The following RBFOX1 variants were observed in gnomAD, a reference collection of about 807,000 sequenced individuals.
RBFOX1 encodes RNA binding fox-1 homolog 1.
A neutral mutation model predicts 57.7 loss-of-function variants in RBFOX1; 8 were observed. That is an observed-to-expected ratio of 0.14 (90% CI 0.08 to 0.25). The LOEUF (loss-of-function observed/expected upper bound fraction) is 0.25. Among genes scored for constraint, RBFOX1 ranks in the 10% least tolerant of loss-of-function variants. The pLI, the probability that RBFOX1 is intolerant of heterozygous loss-of-function variation, is 1.00. For synonymous variants in RBFOX1, 326 were observed against 222.4 expected, an observed-to-expected ratio of 1.47 and a Z score of -4.15; for missense variants, 611 against 548.5, an observed-to-expected ratio of 1.11 and a Z score of -1.14.
intron 4 of RBFOX1, among the ~76,000 whole-genome samples, chr16:7,151,655 C>A (rs1458108827): frequency 6.6e-6 from 1 of 152,080 alleles, no homozygotes; most frequent in Non-Finnish European, 1.5e-5. Context: ...CACTTTATTT[C>A]TATTATTATT....
At chr16:6,817,938 C>T (rs1282714239) in intron 3 of RBFOX1, among the ~76,000 whole-genome samples, 3 of 152,154 alleles carry the variant, frequency 2.0e-5, no homozygotes, top group Non-Finnish European at 4.4e-5. Context: ...CTGTGTCTCT[C>T]TGTTGGGCTT....
At chr16:7,103,220 A>AT (rs1456411822) in intron 4 of RBFOX1, among the ~76,000 whole-genome samples, 5 of 152,110 alleles carry the variant, frequency 3.3e-5, no homozygotes, top group Non-Finnish European at 7.4e-5. Flanking sequence ...AAAACCAATG[A>AT]CCTCATTCTT....
intron 3 of RBFOX1, among the ~76,000 whole-genome samples, chr16:5,718,932 ATG>A (rs1419035027): frequency 3.2e-4 from 49 of 151,808 alleles, no homozygotes; most frequent in Non-Finnish European, 5.6e-4. Flanking sequence ...GAATGAATGA[ATG>A]AATGAACTTT....
At chr16:5,958,969 A>G (rs1023799790) in intron 4 of RBFOX1, among the ~76,000 whole-genome samples, 8 of 152,186 alleles carry the variant, frequency 5.3e-5, no homozygotes, top group African/African-American at 1.9e-4. Flanking sequence ...TCCTTTTGCC[A>G]TATAAAATGA....
chr16:5,400,961 A>T (rs981516675), intron 1 of RBFOX1, among the ~76,000 whole-genome samples: 1 of 152,130 alleles, frequency 6.6e-6, no homozygotes, highest in Non-Finnish European at 1.5e-5. Context: ...AAGATTCTTT[A>T]TATATCAAAG....
intron 1 of RBFOX1, among the ~76,000 whole-genome samples, chr16:5,383,218 G>A (rs1256313621): frequency 6.6e-6 from 1 of 152,158 alleles, no homozygotes; most frequent in Non-Finnish European, 1.5e-5. Context: ...AGGAGTAGGG[G>A]GCAACCTTGA....
At chr16:6,372,746 G>A (rs923471964) in intron 2 of RBFOX1, among the ~76,000 whole-genome samples, 1 of 151,850 alleles carries the variant, frequency 6.6e-6, no homozygotes. Flanking sequence ...ATAGTTGGAT[G>A]GAAGGACAGT....
intron 3 of RBFOX1, among the ~76,000 whole-genome samples, chr16:6,854,186 T>C (rs1184215659): frequency 6.6e-6 from 1 of 152,136 alleles, no homozygotes; most frequent in Non-Finnish European, 1.5e-5. Context: ...TAACGGTTTC[T>C]GGGGTTTAGA....
intron 3 of RBFOX1, among the ~76,000 whole-genome samples, chr16:6,904,599 T>TGAAA (rs1366471899): frequency 1.4e-4 from 9 of 64,004 alleles, no homozygotes; most frequent in Non-Finnish European, 2.2e-4. Context: ...AGACTCTCTC[T>TGAAA]AAAAAAAAAA....
chr16:5,821,638 C>T (rs1268837896), intron 3 of RBFOX1, among the ~76,000 whole-genome samples: 1 of 152,102 alleles, frequency 6.6e-6, no homozygotes, highest in Admixed American at 6.5e-5. Flanking sequence ...TTATTTTTGT[C>T]TCAGTCTGTT....
intron 3 of RBFOX1, among the ~76,000 whole-genome samples, chr16:6,730,795 T>C (rs952980215): frequency 9.2e-5 from 14 of 152,296 alleles, no homozygotes; most frequent in African/African-American, 3.4e-4. Flanking sequence ...TTAGATTTCA[T>C]TTACTAGGAG....
At chr16:5,657,704 G>T (rs1321462487) in intron 3 of RBFOX1, among the ~76,000 whole-genome samples, 97 of 79,872 alleles carry the variant, frequency 1.2e-3, no homozygotes, top group South Asian at 1.5e-3. Flanking sequence ...TTCTCCTTCT[G>T]TCTTTCTCTC....
intron 3 of RBFOX1, among the ~76,000 whole-genome samples, chr16:6,863,296 T>G (rs2059332649): frequency 6.6e-6 from 1 of 152,040 alleles, no homozygotes; most frequent in African/African-American, 2.4e-5. Flanking sequence ...GGAAAAGTGA[T>G]TAGCAGCAAA....
At chr16:5,476,459 T>A (rs938482208) in intron 2 of RBFOX1, among the ~76,000 whole-genome samples, 1 of 152,168 alleles carries the variant, frequency 6.6e-6, no homozygotes, top group African/African-American at 2.4e-5. Flanking sequence ...ATTGACATAG[T>A]TTTAATTGGA....
rs185265357 is a variant in RBFOX1, at chr16:5,576,621, A to C, written c.259-22281A>C. Among the ~76,000 whole-genome samples, 187 of 152,346 alleles carry C rather than the reference A, an allele frequency of 1.2e-3. 2 individuals carry two copies. Among genetic ancestry groups the C allele is most frequent in the African/African-American group, 4.3e-3 (180 of 41,580 alleles). On this transcript the variant is annotated intron_variant, in intron 2 of 2. Transcript: ENST00000585867. ...TAACGGGAACTAGGAGAAGTGCCAA[A>C]GTCCATTTTCCGCTGGTTTTGGAGG...
chr16:7,235,982 C>T lies in RBFOX1; in HGVS notation c.27+183884C>T, dbSNP rs1603425990. Among the ~76,000 whole-genome samples, 15 of 152,238 alleles carry T rather than the reference C, an allele frequency of 9.9e-5. 2 individuals are homozygous for T. The South Asian group carries it at 3.1e-3, about 32-fold the overall frequency. On this transcript the variant is annotated intron_variant, in intron 4 of 15. Coordinates refer to ENST00000550418, the MANE Select transcript of RBFOX1 (RefSeq NM_018723.4). ...AAAGGGTGCATTTTCTGGCTTGCAC[C>T]ATTGCTGATTAGTAACTAGAGAGAT...
rs912188501 is a variant in RBFOX1 at position 5,650,078 on chromosome 16, C to T, written c.318+51117C>T. 6.6e-5 allele frequency among the ~76,000 whole-genome samples: 10 copies of T among 152,206 alleles called. No homozygotes were observed. In the East Asian group the frequency reaches 1.5e-3, roughly 23 times the overall value. The stretch of plus-strand genomic sequence containing the variant: ...TAAGCAAACACAAGTTTTGAAGGCA[C>T]GTTGGGGTCTTCATGGATGAGCTTT... On this transcript the variant is annotated intron_variant, in intron 3 of 19. Transcript: ENST00000641259.
rs377757092 is a variant in RBFOX1, at chr16:6,397,760, T to C, written c.-64+80703T>C. Among the ~76,000 whole-genome samples, 3 of 152,202 alleles carry C rather than the reference T, an allele frequency of 2.0e-5. No homozygotes were observed. In the East Asian group the frequency reaches 5.8e-4, roughly 29 times the overall value. The stretch of plus-strand genomic sequence containing the variant: ...GAGAATGTGAAGCAAAACTATACTG[T>C]TGAAAATTTTTTACACTTGCCATGA... On this transcript the variant is annotated intron_variant, in intron 2 of 15. Transcript: ENST00000550418.
At chr16:5,805,362 A>T (rs768496317) in intron 3 of RBFOX1, among the ~76,000 whole-genome samples, 2 of 152,202 alleles carry the variant, frequency 1.3e-5, no homozygotes, top group Admixed American at 6.5e-5. Context: ...TCAAAATTCT[A>T]TTAACTAGTT....
Sources: allele counts gnomAD v4.1 joint callset (sites outside exome capture counted in the v4.1 genomes callset), GRCh38; gene constraint gnomAD v4.1.1; transcripts MANE v1.5; gene names NCBI Gene and HGNC (gene_info 2026-07-23, HGNC 2026-07-21).